INTS6: variants seen among roughly 807,000 people sequenced by gnomAD.
INTS6 encodes integrator complex subunit 6.
INTS6 carries 16 observed loss-of-function variants against 104.9 expected under a neutral mutation model. The ratio of observed to expected loss-of-function variants is 0.15; its 90% CI spans 0.10 to 0.23. The LOEUF is 0.23. Ranked by LOEUF, INTS6 falls within the 10% of genes least tolerant of loss-of-function variation. The probability of loss-of-function intolerance (pLI) is 1.00; values close to 1 mark genes in which losing one functional copy is unlikely to be tolerated. For missense variants in INTS6, 584 were observed against 1,062.8 expected (o/e 0.55, Z 6.26); for synonymous variants, 324 against 358.7 (o/e 0.90, Z 1.09).
At chr13:51,403,605 GAA>G (rs1156836396) in intron 4 of INTS6, among the ~76,000 whole-genome samples, 1 of 111,300 alleles carries the variant, frequency 9.0e-6, no homozygotes, top group Non-Finnish European at 1.9e-5. Flanking sequence ...AAAAAAAAAA[GAA>G]AAAAAAAAAA....
intron 4 of INTS6, among the ~76,000 whole-genome samples, chr13:51,424,654 G>A (rs1956955730): frequency 2.6e-5 from 4 of 151,886 alleles, no homozygotes; most frequent in Admixed American, 2.0e-4. Flanking sequence ...AATTGACAGA[G>A]ACTAACATAT....
At chr13:51,431,534 A>G (rs769146791) in intron 3 of INTS6, among the ~76,000 whole-genome samples, 2 of 152,222 alleles carry the variant, frequency 1.3e-5, no homozygotes, top group Non-Finnish European at 1.5e-5. Flanking sequence ...CTATGGTCCT[A>G]TAACCTTTCT....
chr13:51,383,592 C>A lies in INTS6; in HGVS notation c.1044G>T (p.Trp348Cys). ...CACTGTAAGTTGTTCAGCTTACCTGCCAACATGTTTGAGGAGATTTCCTTT... is the reference window on the plus strand; with the variant it reads ...CACTGTAAGTTGTTCAGCTTACCTGACAACATGTTTGAGGAGATTTCCTTT... ...ILERKSPQTC[W>C]QVYVSNSAKY... is the part of the protein sequence containing the mutation. Residue 348 changes from tryptophan to cysteine, a missense_variant, in exon 8 of 18, where the codon TGG (tryptophan) becomes TGT (cysteine). Physicochemically the swap from Trp to Cys is radical, Grantham distance 215 (BLOSUM62 -2). This residue lies in a region of INTS6 where 144 missense variants were observed against 348.7 expected (regional missense o/e 0.41). Coordinates refer to ENST00000311234, the MANE Select transcript of INTS6 (RefSeq NM_012141.3). The A allele has an allele frequency of 6.2e-7, 1 of 1,613,000 alleles. No homozygotes were observed. The highest frequency in any genetic ancestry group is 8.5e-7 in the Non-Finnish European group (1 of 1,179,472).
intron 7 of INTS6, among the ~76,000 whole-genome samples, chr13:51,386,295 A>G (rs1324435271): frequency 6.6e-6 from 1 of 152,118 alleles, no homozygotes; most frequent in African/African-American, 2.4e-5. Context: ...TCTCCTGTAC[A>G]TGTTAAATAA....
At position 51,379,567 on chromosome 13, in the gene INTS6, C is replaced by T; in HGVS notation, c.1281G>A (p.Leu427=). Residue 427 remains leucine (L), a synonymous_variant, in exon 11 of 18, where the codon TTG becomes TTA. Transcript: ENST00000311234. Reference sequence around the variant, plus strand: ...CTCCCATCATCCTAACAGCTTTCTTCAAGGGCTATAGGAAAAAAGAAAACA... The same window carrying T: ...CTCCCATCATCCTAACAGCTTTCTTTAAGGGCTATAGGAAAAAAGAAAACA... ...KTMPPYYLGP[L]KKAVRMMGAP... The T allele has an allele frequency of 6.4e-7, 1 of 1,570,182 alleles. No individual in the cohort carries two copies.
intron 3 of INTS6, chr13:51,445,698 C>T (rs1441389364): frequency 6.6e-6 from 1 of 152,190 alleles, no homozygotes; most frequent in Non-Finnish European, 1.5e-5. Context: ...ACATTTCTAG[C>T]CACTGCTCTT....
chr13:51,348,017 A>G, the INTS6 span, among the ~76,000 whole-genome samples: 3 of 152,098 alleles, frequency 2.0e-5, no homozygotes, highest in East Asian at 5.8e-4. Context: ...GGTATCTTAA[A>G]GACTCTAGGT....
chr13:51,375,764 T>TGTGCGC (rs1555283861), intron 13 of INTS6, among the ~76,000 whole-genome samples: 4 of 150,950 alleles, frequency 2.6e-5, no homozygotes, highest in Admixed American at 6.6e-5. Context: ...TGTGTGTGTG[T>TGTGCGC]GTGCGCGCGC....
chr13:51,365,874 A>G, intron 17 of INTS6, 29 bp from the exon 18 acceptor site: 1 of 1,352,242 alleles, frequency 7.4e-7, no homozygotes, highest in Non-Finnish European at 1.0e-6. Context: ...AGTACTCTCA[A>G]TTACTTTTTA....
rs376110836 is a variant in INTS6 at position 51,361,816 on chromosome 13, T to C, written c.*3936A>G. 4 of 1,604,266 alleles carry C rather than the reference T, an allele frequency of 2.5e-6. No individual in the cohort carries two copies. The African/African-American group carries it at 4.0e-5, about 16-fold the overall frequency. ...TTTTCTTTCTTTCCTGCAGCTCTGT[T>C]GTTATTGAAAAGGTCTCGGATTCCT... On this transcript the variant is annotated 3_prime_UTR_variant, in exon 18 of 18. Transcript: ENST00000311234.
chr13:51,434,229 T>A (rs917828370), intron 3 of INTS6, among the ~76,000 whole-genome samples: 1 of 152,218 alleles, frequency 6.6e-6, no homozygotes, highest in African/African-American at 2.4e-5. Flanking sequence ...TGTAATTACT[T>A]AGCCATTAAT....
rs562022657 is a variant in INTS6 at position 51,426,640 on chromosome 13, T to C, written c.429+3654A>G. 2.6e-5 allele frequency among the ~76,000 whole-genome samples: 4 copies of C among 152,238 alleles called. No homozygotes were observed. In the South Asian group the frequency reaches 6.2e-4, roughly 24 times the overall value. Reference sequence around the variant, plus strand: ...TGATTTCCCCCATAACACTGTGAACTTAAATATTAAGAACCAGATATGTCC... The same window carrying C: ...TGATTTCCCCCATAACACTGTGAACCTAAATATTAAGAACCAGATATGTCC... On this transcript the variant is annotated intron_variant, in intron 4 of 17. Transcript: ENST00000311234.
At chr13:51,421,802 T>C (rs908417953) in intron 4 of INTS6, among the ~76,000 whole-genome samples, 2 of 152,080 alleles carry the variant, frequency 1.3e-5, no homozygotes, top group Non-Finnish European at 2.9e-5. Context: ...ATCTATTAAA[T>C]AAAAAATTAG....
At chr13:51,439,701 C>A (rs1175116279) in intron 3 of INTS6, 2 of 152,196 alleles carry the variant, frequency 1.3e-5, no homozygotes, top group Non-Finnish European at 2.9e-5. Flanking sequence ...TAAATTTTCT[C>A]AAAGAAGTTT....
intron 3 of INTS6, chr13:51,443,720 A>T (rs978812071): frequency 6.6e-6 from 1 of 152,214 alleles, no homozygotes; most frequent in African/African-American, 2.4e-5. Flanking sequence ...AAAAGCCCCA[A>T]AAAACAAGAA....
chr13:51,358,693 T>C (rs144286478), downstream of INTS6, among the ~76,000 whole-genome samples: 2 of 152,230 alleles, frequency 1.3e-5, no homozygotes, highest in African/African-American at 2.4e-5. Flanking sequence ...GATTAAGACA[T>C]CATTTATGCT....
the INTS6 span, chr13:51,347,326 T>G: frequency 9.1e-7 from 1 of 1,098,920 alleles, no homozygotes. Context: ...TCCTAAGGGA[T>G]CGGGATGTGT....
rs76204797 is a variant in INTS6, at chr13:51,451,287, G to C, written c.190-113C>G. 329 of 845,486 alleles carry C rather than the reference G, an allele frequency of 3.9e-4. 1 individual carries two copies. In the East Asian group the frequency reaches 8.5e-3, roughly 22 times the overall value. The allele number at this position is 845,486 out of a possible 1,614,324, so 52.4% of individuals were successfully genotyped here. On this transcript the variant is annotated intron_variant, in intron 2 of 17. Transcript: ENST00000311234. ...GCTTCACTTTTGGTTGGTTTGGCTT[G>C]GTTAACGTGTTAATACTGTACCGCT...
In INTS6 at chr13:51,452,053, G is replaced by C. The variant is rs760735863; in HGVS notation, c.114C>G (p.Leu38=). 2.5e-6 allele frequency: 4 copies of C among 1,609,798 alleles called. No homozygotes were observed. The highest frequency in any genetic ancestry group is 3.4e-6 in the Non-Finnish European group (4 of 1,177,992). ...AKGAVETFMK[L]RARDPASRGD... is the part of the protein sequence containing the mutation. ...CTCTGCTGGCAGGGTCCCGGGCACG[G>C]AGCTGCGGGACGGGAGGAGGAACAG... Residue 38 remains leucine, a splice_region_variant and synonymous_variant, in exon 2 of 18, where the codon CTC becomes CTG. Coordinates refer to ENST00000311234, the MANE Select transcript of INTS6 (RefSeq NM_012141.3). This position sits in a 1 kb window ranked among gnomAD's most constrained non-coding sequence, Gnocchi z 4.2.
Sources: allele counts gnomAD v4.1 joint callset (sites outside exome capture counted in the v4.1 genomes callset), GRCh38; gene constraint gnomAD v4.1.1; regional missense constraint gnomAD v4.1.1; non-coding constraint Gnocchi (gnomAD v3.1); transcripts MANE v1.5; gene names NCBI Gene and HGNC (gene_info 2026-07-23, HGNC 2026-07-21).